The following METTL9 variants were observed in gnomAD, a reference collection of about 807,000 sequenced individuals.
METTL9 encodes the protein methyltransferase 9, His-X-His N1(pi)-histidine, also known as protein-L-histidine N-pros-methyltransferase.
A neutral mutation model predicts 36.0 loss-of-function variants in METTL9; 10 were observed. The observed-to-expected ratio is 0.28, with a 90% CI of 0.17 to 0.47. METTL9 has a LOEUF of 0.47. Among genes scored for constraint, METTL9 ranks in the 20% least tolerant of loss-of-function variants. The pLI is 0.99. For missense variants in METTL9, 246 were observed against 383.5 expected, an observed-to-expected ratio of 0.64 and a Z score of 3.00; for synonymous variants, 175 against 149.7, an observed-to-expected ratio of 1.17 and a Z score of -1.23.
At chr16:21,641,512 T>G in intron 4 of METTL9, 1 of 1,492,006 alleles carries the variant, frequency 6.7e-7, no homozygotes, top group East Asian at 2.3e-5. Flanking sequence ...TTTCAGTGAC[T>G]TCATTGAAAA....
At chr16:21,641,441 T>A in intron 4 of METTL9, 1 of 557,560 alleles carries the variant, frequency 1.8e-6, no homozygotes, top group South Asian at 3.2e-5. Flanking sequence ...TTTACCTTTA[T>A]TTTTTTTTAA....
chr16:21,647,466 C>A lies in METTL9; in HGVS notation c.752-7761C>A, dbSNP rs761553423. On this transcript the variant is annotated intron_variant, in intron 4 of 4. Coordinates refer to ENST00000358154, the MANE Select transcript of METTL9 (RefSeq NM_016025.5). ...ACTTCTAGGTACCACGGTTGTGTGA[C>A]AGAGAGAGTACAGGCGCCCACAGCA... 7.4e-6 allele frequency: 12 copies of A among 1,613,780 alleles called. No individual in the cohort carries two copies. The South Asian group carries it at 1.3e-4, about 18-fold the overall frequency.
chr16:21,631,645 G>A (rs1156563499), intron 4 of METTL9, among the ~76,000 whole-genome samples: 1 of 152,180 alleles, frequency 6.6e-6, no homozygotes, highest in African/African-American at 2.4e-5. Flanking sequence ...TCCTATGTCT[G>A]ATTGGACCTT....
chr16:21,644,369 C>T (rs555594311), intron 4 of METTL9: 14 of 1,613,460 alleles, frequency 8.7e-6, no homozygotes, highest in Non-Finnish European at 1.0e-5. Flanking sequence ...CAGGAAGCTC[C>T]GCAGTTCCTT....
At chr16:21,653,703 C>T (rs991491365) in intron 4 of METTL9, 1 of 152,794 alleles carries the variant, frequency 6.5e-6, no homozygotes, top group African/African-American at 2.4e-5. Flanking sequence ...GCCCCAGCCC[C>T]TTGGTCTCAC....
At chr16:21,604,892 C>T (rs1411662991) in intron 1 of METTL9, among the ~76,000 whole-genome samples, 1 of 152,144 alleles carries the variant, frequency 6.6e-6, no homozygotes, top group African/African-American at 2.4e-5. Flanking sequence ...CCTAGACCTA[C>T]AGTTTGGTTT....
chr16:21,635,487 G>A (rs1966067531), intron 4 of METTL9, among the ~76,000 whole-genome samples: 1 of 151,454 alleles, frequency 6.6e-6, no homozygotes, highest in East Asian at 2.0e-4. Flanking sequence ...GTATTCTCGT[G>A]TATTCTCCTT....
chr16:21,617,031 T>C (rs1163912728), intron 2 of METTL9, among the ~76,000 whole-genome samples: 2 of 152,214 alleles, frequency 1.3e-5, no homozygotes, highest in African/African-American at 4.8e-5. Flanking sequence ...CCCATGCTTT[T>C]TTGGGGCATT....
In METTL9 at chr16:21,612,841, T is replaced by G. The variant is rs1267916918; in HGVS notation, c.356+6T>G. On this transcript the variant is annotated splice_donor_region_variant and intron_variant, in intron 2 of 4. Coordinates refer to ENST00000358154, the MANE Select transcript of METTL9 (RefSeq NM_016025.5). ...TCTAGAACATCTATCAATGGGTAAG[T>G]GAATCTTGGACATTTATTTTTTTCT... 6.4e-7 allele frequency: 1 copy of G among 1,573,164 alleles called. No individual in the cohort carries two copies. The highest frequency in any genetic ancestry group is 1.4e-5 in the African/African-American group (1 of 72,300).
At chr16:21,647,208 A>G in intron 4 of METTL9, 1 of 1,614,138 alleles carries the variant, frequency 6.2e-7, no homozygotes, top group Non-Finnish European at 8.5e-7. Context: ...GCTATTCCAC[A>G]GATGTAAATT....
chr16:21,652,778 A>G, intron 4 of METTL9: 2 of 515,018 alleles, frequency 3.9e-6, no homozygotes, highest in Non-Finnish European at 7.0e-6. Flanking sequence ...CCTGGAGCAC[A>G]TTTAGAAATG....
At chr16:21,650,619 A>C (rs1447163610) in intron 4 of METTL9, among the ~76,000 whole-genome samples, 1 of 152,054 alleles carries the variant, frequency 6.6e-6, no homozygotes, top group Non-Finnish European at 1.5e-5. Context: ...GTAACTTTGG[A>C]ATTTCATATC....
intron 3 of METTL9, among the ~76,000 whole-genome samples, chr16:21,621,175 T>TG (rs1965684484): frequency 2.6e-5 from 4 of 151,642 alleles, no homozygotes; most frequent in Admixed American, 6.6e-5. Flanking sequence ...TGTGTGTGTG[T>TG]TTTTGTGTGT....
intron 4 of METTL9, among the ~76,000 whole-genome samples, chr16:21,648,684 C>T (rs1259236311): frequency 6.6e-6 from 1 of 152,240 alleles, no homozygotes; most frequent in Non-Finnish European, 1.5e-5. Context: ...CTAAACCCTT[C>T]TTTTGCGGCA....
chr16:21,609,728 A>G (rs1214719461), intron 1 of METTL9, among the ~76,000 whole-genome samples: 2 of 151,910 alleles, frequency 1.3e-5, no homozygotes, highest in East Asian at 1.9e-4. Flanking sequence ...TTGGTAGGGA[A>G]TGTCATGAGG....
intron 4 of METTL9, chr16:21,640,727 A>G (rs1966237237): frequency 6.7e-6 from 1 of 148,718 alleles, no homozygotes; most frequent in Non-Finnish European, 1.5e-5. Context: ...AGATTGCACC[A>G]CTGCACTCCA....
Position 21,599,663 on chromosome 16 carries a change from C to T in METTL9, c.-71C>T. On this transcript the variant is annotated 5_prime_UTR_variant, in exon 1 of 5. Transcript: ENST00000358154. This position sits in a 1 kb window ranked among gnomAD's most constrained non-coding sequence, Gnocchi z 4.4. ...GAGCTCGGGCGGTGGCGGCGGTGGC[C>T]GGAGGCGGCGGTGCCTCCTCCTCCT... 1.5e-6 allele frequency: 2 copies of T among 1,355,012 alleles called. No homozygotes were observed. The highest frequency in any genetic ancestry group is 1.9e-6 in the Non-Finnish European group (2 of 1,063,030). 83.9% of individuals were successfully genotyped at this position (1,355,012 alleles called of 1,614,324 possible).
chr16:21,647,553 A>G (rs1187715127), intron 4 of METTL9: 3 of 1,541,280 alleles, frequency 1.9e-6, no homozygotes, highest in Admixed American at 4.2e-5. Context: ...TGCTTTTATT[A>G]TATTTTTGAG....
At chr16:21,609,612 G>A (rs913573205) in intron 1 of METTL9, among the ~76,000 whole-genome samples, 3 of 152,032 alleles carry the variant, frequency 2.0e-5, no homozygotes, top group African/African-American at 7.2e-5. Context: ...GAAATGTTGG[G>A]GGGCAGAGCA....
Sources: gnomAD v4.1 joint callset for allele counts (sites outside exome capture counted in the v4.1 genomes callset) on GRCh38, gnomAD v4.1.1 for gene constraint, Gnocchi (gnomAD v3.1) non-coding constraint, MANE v1.5 for transcripts, NCBI Gene and HGNC (gene_info 2026-07-23, HGNC 2026-07-21) for gene names.